RBFOX1: variants seen among roughly 807,000 people sequenced by gnomAD.
RBFOX1 encodes the protein RNA binding protein fox-1 homolog 1.
In RBFOX1, 8 loss-of-function variants were observed where a neutral mutation model predicts 57.7. That is an observed-to-expected ratio of 0.14 (90% CI 0.08 to 0.25). RBFOX1 has a LOEUF of 0.25. Among genes scored for constraint, RBFOX1 ranks in the 10% least tolerant of loss-of-function variants. The pLI is 1.00. For missense variants in RBFOX1, 611 were observed against 548.5 expected, an observed-to-expected ratio of 1.11 and a Z score of -1.14; for synonymous variants, 326 against 222.4, an observed-to-expected ratio of 1.47 and a Z score of -4.15.
chr16:6,268,914 G>A (rs946157037), intron 1 of RBFOX1, among the ~76,000 whole-genome samples: 3 of 152,126 alleles, frequency 2.0e-5, no homozygotes, highest in Non-Finnish European at 4.4e-5. Context: ...CAAAATCCAT[G>A]GATGTTCAAG....
At chr16:6,563,582 G>A (rs1567696874) in intron 2 of RBFOX1, among the ~76,000 whole-genome samples, 2 of 152,264 alleles carry the variant, frequency 1.3e-5, no homozygotes, top group South Asian at 2.1e-4. Context: ...GGTGGCTCAC[G>A]CCTGTACTTC....
chr16:7,026,904 G>C lies in RBFOX1; in HGVS notation c.-15-25153G>C, dbSNP rs147396570. Among the ~76,000 whole-genome samples the C allele has an allele frequency of 4.2e-3, 639 of 152,292 alleles. 5 individuals carry two copies. The highest frequency in any genetic ancestry group is 0.014 in the African/African-American group (584 of 41,578). On this transcript the variant is annotated intron_variant, in intron 3 of 15. Transcript: ENST00000550418. ...CTTTGCTTAGAGCAGCCTGTGCCCC[G>C]TAGGGTAATACCGGAGCTGGCGGCC... is the stretch of plus-strand genomic sequence containing the variant.
intron 4 of RBFOX1, among the ~76,000 whole-genome samples, chr16:7,072,462 C>G (rs2057521690): frequency 6.6e-6 from 1 of 152,090 alleles, no homozygotes; most frequent in African/African-American, 2.4e-5. Context: ...TTATTTTGTT[C>G]TTAACTCTAC....
At chr16:5,315,883 A>G (rs921655596) in intron 1 of RBFOX1, among the ~76,000 whole-genome samples, 4 of 152,078 alleles carry the variant, frequency 2.6e-5, no homozygotes, top group African/African-American at 9.7e-5. Context: ...CCAGAGTATC[A>G]GACTCATCAT....
chr16:5,487,330 C>T (rs1464389322), intron 2 of RBFOX1, among the ~76,000 whole-genome samples: 2 of 152,136 alleles, frequency 1.3e-5, no homozygotes, highest in African/African-American at 2.4e-5. Context: ...GAGCAGATGC[C>T]TTCTTCTTTT....
At chr16:5,531,790 A>G (rs1008703637) in intron 2 of RBFOX1, among the ~76,000 whole-genome samples, 1 of 144,828 alleles carries the variant, frequency 6.9e-6, no homozygotes, top group Admixed American at 7.3e-5. Context: ...GGGACATGAC[A>G]TGTCAAGAGG....
intron 1 of RBFOX1, among the ~76,000 whole-genome samples, chr16:6,096,120 G>C (rs1340691003): frequency 1.3e-5 from 2 of 152,228 alleles, no homozygotes; most frequent in African/African-American, 4.8e-5. Context: ...CATGGTAAAC[G>C]ACCTTGTCAT....
At chr16:6,879,164 C>T (rs1281971443) in intron 3 of RBFOX1, among the ~76,000 whole-genome samples, 2 of 152,120 alleles carry the variant, frequency 1.3e-5, no homozygotes, top group African/African-American at 4.8e-5. Flanking sequence ...AAAACGGCTG[C>T]AAGAATATCA....
chr16:6,920,532 G>T (rs1171651667), intron 3 of RBFOX1, among the ~76,000 whole-genome samples: 1 of 152,218 alleles, frequency 6.6e-6, no homozygotes, highest in East Asian at 1.9e-4. Context: ...CATAACAAAT[G>T]ACCAGCTAGT....
chr16:6,926,432 C>G lies in RBFOX1; in HGVS notation c.-15-125625C>G, dbSNP rs575136603. Among the ~76,000 whole-genome samples the G allele has an allele frequency of 9.2e-5, 14 of 152,294 alleles. No homozygotes were observed. In the East Asian group the frequency reaches 2.7e-3, roughly 29 times the overall value. On this transcript the variant is annotated intron_variant, in intron 3 of 15. Transcript: ENST00000550418. ...ACCACACAGCAGGCCTCAGAATTTC[C>G]CCTGCCTCCTGATCGGTGTTCAGAT...
intron 14 of RBFOX1, among the ~76,000 whole-genome samples, chr16:7,682,155 G>T (rs1283370899): frequency 2.0e-5 from 3 of 152,216 alleles, no homozygotes; most frequent in South Asian, 2.1e-4. Flanking sequence ...AATAGCAAAC[G>T]GTAGTTTTAG....
intron 4 of RBFOX1, among the ~76,000 whole-genome samples, chr16:7,362,287 G>T (rs111065631): frequency 0.036 from 4,500 of 124,214 alleles, 169 homozygotes; most frequent in East Asian, 0.2. Context: ...ATGTTAGTAT[G>T]TGTATGTTTT....
intron 3 of RBFOX1, among the ~76,000 whole-genome samples, chr16:6,869,388 G>T (rs1262491881): frequency 6.6e-6 from 1 of 151,938 alleles, no homozygotes; most frequent in East Asian, 1.9e-4. Context: ...AGTCAAACAT[G>T]GGTCTTTCAA....
intron 3 of RBFOX1, among the ~76,000 whole-genome samples, chr16:6,735,126 G>A (rs1408058564): frequency 6.6e-6 from 1 of 152,110 alleles, no homozygotes; most frequent in Non-Finnish European, 1.5e-5. Context: ...TCCAGCCTGG[G>A]CAGCAGAGTG....
At chr16:5,921,301 T>C (rs2058816200) in intron 4 of RBFOX1, among the ~76,000 whole-genome samples, 1 of 152,190 alleles carries the variant, frequency 6.6e-6, no homozygotes, top group South Asian at 2.1e-4. Flanking sequence ...GAGATTGTCT[T>C]TCTTTACTGG....
intron 2 of RBFOX1, among the ~76,000 whole-genome samples, chr16:6,418,142 G>T (rs1441786285): frequency 6.6e-6 from 1 of 152,170 alleles, no homozygotes; most frequent in Non-Finnish European, 1.5e-5. Context: ...GAGTGTCATG[G>T]TTTATGCCAT....
chr16:5,804,578 G>C (rs1380356327), intron 3 of RBFOX1, among the ~76,000 whole-genome samples: 1 of 152,138 alleles, frequency 6.6e-6, no homozygotes, highest in East Asian at 1.9e-4. Flanking sequence ...CCACCCAGAT[G>C]GTGGGAGGTG....
chr16:5,625,574 T>TTTA, intron 3 of RBFOX1, among the ~76,000 whole-genome samples: 1 of 58,964 alleles, frequency 1.7e-5, no homozygotes, highest in Non-Finnish European at 4.9e-5. Flanking sequence ...TTATTTATTT[T>TTTA]CGAGATGGAG....
At chr16:6,614,575 A>C (rs2098116637) in intron 2 of RBFOX1, among the ~76,000 whole-genome samples, 1 of 152,032 alleles carries the variant, frequency 6.6e-6, no homozygotes, top group Admixed American at 6.6e-5. Context: ...GTCTTCGCCT[A>C]GTTCTGGAGG....
Sources: allele counts gnomAD v4.1 joint callset (sites outside exome capture counted in the v4.1 genomes callset), GRCh38; gene constraint gnomAD v4.1.1; transcripts MANE v1.5; gene names NCBI Gene and HGNC (gene_info 2026-07-23, HGNC 2026-07-21).